Variants in SLC8A1 observed in about 807,000 individuals in gnomAD.
The protein encoded by SLC8A1 is sodium/calcium exchanger 1.
In SLC8A1, 18 loss-of-function variants were observed where a neutral mutation model predicts 68.3. That is an observed-to-expected ratio of 0.26 (90% CI 0.18 to 0.39). The LOEUF is 0.39. Among genes scored for constraint, SLC8A1 ranks in the 10% least tolerant of loss-of-function variants. SLC8A1 has a pLI of 1.00. For missense variants in SLC8A1, 985 were observed against 1,156.7 expected, an observed-to-expected ratio of 0.85 and a Z score of 2.15; for synonymous variants, 475 against 415.5, an observed-to-expected ratio of 1.14 and a Z score of -1.74.
At chr2:40,313,975 T>A (rs1283097005) in intron 2 of SLC8A1, among the ~76,000 whole-genome samples, 4 of 152,122 alleles carry the variant, frequency 2.6e-5, no homozygotes, top group Non-Finnish European at 5.9e-5. Context: ...CAGTCTAGCC[T>A]GTCTTTTCCT....
chr2:40,294,014 A>G (rs2069848938), intron 2 of SLC8A1, among the ~76,000 whole-genome samples: 1 of 152,152 alleles, frequency 6.6e-6, no homozygotes, highest in Admixed American at 6.6e-5. Context: ...CAATCAGTTT[A>G]AAGTTTTCAA....
intron 2 of SLC8A1, among the ~76,000 whole-genome samples, chr2:40,200,059 A>ACTTGCCAAGTG (rs2148697622): frequency 6.9e-6 from 1 of 145,626 alleles, no homozygotes; most frequent in East Asian, 2.1e-4. Flanking sequence ...TTTCCAGAGG[A>ACTTGCCAAGTG]CTTGCCAAGC....
chr2:40,172,052 G>C (rs951453457), intron 4 of SLC8A1, among the ~76,000 whole-genome samples: 3 of 152,216 alleles, frequency 2.0e-5, no homozygotes, highest in African/African-American at 7.2e-5. Flanking sequence ...TGTAAAAGCT[G>C]CAGGCAAAGT....
At chr2:40,309,373 G>C (rs929806246) in intron 2 of SLC8A1, among the ~76,000 whole-genome samples, 3 of 151,900 alleles carry the variant, frequency 2.0e-5, no homozygotes, top group Non-Finnish European at 4.4e-5. Context: ...AAGGCGCACA[G>C]ATAAAAAGGA....
At chr2:40,173,135 A>C (rs1045440833) in intron 4 of SLC8A1, among the ~76,000 whole-genome samples, 4 of 152,184 alleles carry the variant, frequency 2.6e-5, no homozygotes, top group African/African-American at 9.7e-5. Flanking sequence ...AAACATTATT[A>C]CTTCAATTCA....
At chr2:40,378,672 C>A (rs1431769467) in intron 2 of SLC8A1, among the ~76,000 whole-genome samples, 1 of 152,064 alleles carries the variant, frequency 6.6e-6, no homozygotes, top group East Asian at 1.9e-4. Flanking sequence ...CCGTCATCTG[C>A]AGAGAAAGAG....
chr2:40,114,197 C>T (rs918643706), exon 8 of SLC8A1: 1 of 152,746 alleles, frequency 6.5e-6, no homozygotes, highest in Admixed American at 6.5e-5. Context: ...AACAACATTT[C>T]CGAACGGCAC....
At chr2:40,470,292 T>A (rs966974087) in intron 1 of SLC8A1, among the ~76,000 whole-genome samples, 13 of 152,090 alleles carry the variant, frequency 8.5e-5, no homozygotes, top group Non-Finnish European at 1.5e-5. Context: ...TAGCAAACTT[T>A]ATAAAATTTT....
chr2:40,351,947 G>T (rs1477091575), intron 2 of SLC8A1, among the ~76,000 whole-genome samples: 2 of 152,110 alleles, frequency 1.3e-5, no homozygotes, highest in African/African-American at 4.8e-5. Context: ...TTAAAACAGG[G>T]TATATGTGCA....
At chr2:40,506,694 A>G (rs1324607714) in intron 1 of SLC8A1, among the ~76,000 whole-genome samples, 1 of 151,836 alleles carries the variant, frequency 6.6e-6, no homozygotes, top group Non-Finnish European at 1.5e-5. Flanking sequence ...CTCTAATCTC[A>G]TTAGTTGTTT....
intron 2 of SLC8A1, among the ~76,000 whole-genome samples, chr2:40,262,257 G>A (rs536479517): frequency 4.6e-5 from 7 of 152,168 alleles, no homozygotes; most frequent in Middle Eastern, 3.4e-3. Context: ...CACCGCACCC[G>A]GCCCTCTCTT....
intron 2 of SLC8A1, among the ~76,000 whole-genome samples, chr2:40,241,876 T>C: frequency 1.1e-5 from 1 of 91,322 alleles, no homozygotes; most frequent in African/African-American, 2.7e-5. Flanking sequence ...AAAATAGATA[T>C]CAGTTTTTTT....
chr2:40,459,476 C>T lies in SLC8A1; in HGVS notation c.-24-29172G>A, dbSNP rs138938925. On this transcript the variant is annotated intron_variant, in intron 1 of 7. Coordinates refer to the SLC8A1 transcript ENST00000402441. ...ACTTTATCAGGGTCAGCAGCAGAGG[C>T]ATGGCCATATGACTTGTACCACTGC... is the stretch of plus-strand genomic sequence containing the variant. Among the ~76,000 whole-genome samples the T allele has an allele frequency of 5.3e-5, 8 of 152,238 alleles. No individual in the cohort carries two copies. The East Asian group carries it at 1.5e-3, about 29-fold the overall frequency.
intron 1 of SLC8A1, among the ~76,000 whole-genome samples, chr2:40,497,033 C>A (rs1169988254): frequency 6.6e-6 from 1 of 151,378 alleles, no homozygotes; most frequent in Non-Finnish European, 1.5e-5. Flanking sequence ...ATGTAACTAA[C>A]CTGCACAATG....
chr2:40,319,636 T>A (rs1486940643), intron 2 of SLC8A1, among the ~76,000 whole-genome samples: 2 of 152,104 alleles, frequency 1.3e-5, no homozygotes, highest in African/African-American at 2.4e-5. Context: ...CAGTTCCGCC[T>A]GTCACAAAGC....
chr2:40,195,378 C>G (rs1398707420), intron 2 of SLC8A1, among the ~76,000 whole-genome samples: 1 of 151,798 alleles, frequency 6.6e-6, no homozygotes, highest in Non-Finnish European at 1.5e-5. Context: ...GAGAGCTAGG[C>G]TCAGGCTTGT....
intron 1 of SLC8A1, among the ~76,000 whole-genome samples, chr2:40,461,195 GA>G: frequency 6.6e-6 from 1 of 152,196 alleles, no homozygotes; most frequent in South Asian, 2.1e-4. Context: ...ACTATTATAG[GA>G]AAAAAATCAT....
At chr2:40,342,870 T>C (rs1413812090) in intron 2 of SLC8A1, among the ~76,000 whole-genome samples, 1 of 152,164 alleles carries the variant, frequency 6.6e-6, no homozygotes, top group African/African-American at 2.4e-5. Context: ...TTCGGGGTTC[T>C]TGATACTGTG....
intron 2 of SLC8A1, among the ~76,000 whole-genome samples, chr2:40,223,156 C>T (rs570650094): frequency 3.9e-4 from 60 of 152,184 alleles, no homozygotes; most frequent in African/African-American, 1.4e-3. Context: ...GAAAATGTGG[C>T]ACATATACAC....
Sources: gnomAD v4.1 joint callset for allele counts (sites outside exome capture counted in the v4.1 genomes callset) on GRCh38, gnomAD v4.1.1 for gene constraint, MANE v1.5 for transcripts, NCBI Gene and HGNC (gene_info 2026-07-23, HGNC 2026-07-21) for gene names.